Variants in PTPRM observed in about 807,000 individuals in gnomAD.
PTPRM encodes receptor-type tyrosine-protein phosphatase mu.
PTPRM carries 47 observed loss-of-function variants against 186.7 expected under a neutral mutation model. The ratio of observed to expected loss-of-function variants is 0.25; its 90% CI spans 0.20 to 0.32. The LOEUF is 0.32. Ranked by LOEUF, PTPRM falls within the 10% of genes least tolerant of loss-of-function variation. The pLI, the probability that PTPRM is intolerant of heterozygous loss-of-function variation, is 1.00. For synonymous variants in PTPRM, 668 were observed against 674.9 expected (o/e 0.99, Z 0.16); for missense variants, 1,494 against 1,865.0 (o/e 0.80, Z 3.66).
At chr18:8,034,069 A>G (rs8088354) in intron 7 of PTPRM, among the ~76,000 whole-genome samples, 91,391 of 151,724 alleles carry the variant, frequency 0.6, 27,748 homozygotes, top group Non-Finnish European at 0.65. Context: ...GGTACAGATT[A>G]TTGGATTTAA....
chr18:8,333,802 C>A (rs1159160863), intron 22 of PTPRM, among the ~76,000 whole-genome samples: 1 of 152,186 alleles, frequency 6.6e-6, no homozygotes, highest in Non-Finnish European at 1.5e-5. Flanking sequence ...GCTGCTTTGC[C>A]TTAACATCCC....
intron 23 of PTPRM, among the ~76,000 whole-genome samples, chr18:8,352,659 T>TTTG (rs145020151): frequency 0.31 from 39,371 of 128,568 alleles, 6,375 homozygotes; most frequent in Middle Eastern, 0.52. Flanking sequence ...TTTGGTTTTT[T>TTTG]TTGTTTGTTT....
chr18:8,084,736 A>C (rs2090342241), intron 9 of PTPRM, among the ~76,000 whole-genome samples: 1 of 152,178 alleles, frequency 6.6e-6, no homozygotes, highest in Non-Finnish European at 1.5e-5. Flanking sequence ...CACATTTTAA[A>C]ATTATGTCAT....
intron 14 of PTPRM, among the ~76,000 whole-genome samples, chr18:8,172,912 AC>A (rs1268736086): frequency 2.6e-5 from 4 of 152,174 alleles, no homozygotes; most frequent in Non-Finnish European, 2.9e-5. Context: ...GATGCATGAA[AC>A]AATGTTCACT....
At chr18:8,113,874 A>G (rs2091855293) in intron 12 of PTPRM, 115 bp downstream of exon 12, 2 of 1,088,890 alleles carry the variant, frequency 1.8e-6, no homozygotes, top group Non-Finnish European at 2.5e-6. Context: ...CTACTTGTAA[A>G]CAAATGTGAT....
intron 19 of PTPRM, among the ~76,000 whole-genome samples, chr18:8,257,720 C>CG (rs1306158761): frequency 3.3e-5 from 5 of 152,180 alleles, no homozygotes; most frequent in Admixed American, 6.5e-5. Flanking sequence ...ATCATCCCAT[C>CG]GGCCTTTCTG....
chr18:8,339,940 C>T (rs1191830397), intron 22 of PTPRM, among the ~76,000 whole-genome samples: 2 of 152,088 alleles, frequency 1.3e-5, no homozygotes, highest in African/African-American at 4.8e-5. Flanking sequence ...ATACATTCTG[C>T]ATTAAAAACC....
At chr18:8,341,172 C>G (rs17490458) in intron 22 of PTPRM, among the ~76,000 whole-genome samples, 44,508 of 152,134 alleles carry the variant, frequency 0.29, 7,413 homozygotes, top group Middle Eastern at 0.52. Flanking sequence ...GCTGTGTTTT[C>G]AAGCTTCTCC....
intron 1 of PTPRM, among the ~76,000 whole-genome samples, chr18:7,616,740 G>A (rs1443931949): frequency 6.6e-6 from 1 of 152,206 alleles, no homozygotes; most frequent in Non-Finnish European, 1.5e-5. Context: ...GGTGAGGAAA[G>A]CATAGTTTTC....
chr18:8,394,345 A>T, intron 31 of PTPRM, 131 bp from the exon 32 acceptor site: 1 of 1,000,810 alleles, frequency 1.0e-6, no homozygotes, highest in South Asian at 2.1e-5. Flanking sequence ...TGCCCAGGTA[A>T]GAGGTCCCCC....
At chr18:7,719,122 A>T (rs1332587552) in intron 1 of PTPRM, among the ~76,000 whole-genome samples, 1 of 152,232 alleles carries the variant, frequency 6.6e-6, no homozygotes, top group Non-Finnish European at 1.5e-5. Flanking sequence ...ATAATTTGCG[A>T]TTGTAAAAAT....
intron 2 of PTPRM, among the ~76,000 whole-genome samples, chr18:7,874,324 G>A (rs947723302): frequency 1.3e-5 from 2 of 152,128 alleles, no homozygotes; most frequent in African/African-American, 2.4e-5. Flanking sequence ...TTAATGAAAA[G>A]TTAAAATGGG....
chr18:7,874,651 G>C (rs2048143028), intron 2 of PTPRM, among the ~76,000 whole-genome samples: 1 of 152,038 alleles, frequency 6.6e-6, no homozygotes, highest in Non-Finnish European at 1.5e-5. Context: ...ACTGGGTTCT[G>C]AATTAACAAC....
chr18:8,070,583 T>C (rs912133929), intron 8 of PTPRM, among the ~76,000 whole-genome samples: 1 of 152,140 alleles, frequency 6.6e-6, no homozygotes, highest in Non-Finnish European at 1.5e-5. Flanking sequence ...ATGTCACCAG[T>C]AACGCATCAA....
intron 2 of PTPRM, among the ~76,000 whole-genome samples, chr18:7,857,956 T>C (rs146711688): frequency 3.3e-5 from 5 of 152,198 alleles, no homozygotes; most frequent in African/African-American, 4.8e-5. Flanking sequence ...GCTTTCTTCT[T>C]AAGTGCTATT....
At chr18:7,904,854 C>G (rs2049891955) in intron 3 of PTPRM, among the ~76,000 whole-genome samples, 1 of 152,180 alleles carries the variant, frequency 6.6e-6, no homozygotes, top group African/African-American at 2.4e-5. Context: ...TAGTTTCATT[C>G]TGTGTGTAAA....
intron 1 of PTPRM, among the ~76,000 whole-genome samples, chr18:7,770,831 TG>T (rs142360033): frequency 7.9e-4 from 120 of 152,200 alleles, no homozygotes; most frequent in African/African-American, 2.8e-3. Flanking sequence ...TTTGTTATTT[TG>T]GGGGGGTCCC....
intron 13 of PTPRM, among the ~76,000 whole-genome samples, chr18:8,142,719 C>G (rs1402821166): frequency 6.6e-6 from 1 of 152,198 alleles, no homozygotes. Context: ...TCGGAATGAC[C>G]TGTCACCTAG....
intron 15 of PTPRM, among the ~76,000 whole-genome samples, chr18:8,245,289 C>T (rs8095579): frequency 0.018 from 2,665 of 152,200 alleles, 80 homozygotes; most frequent in African/African-American, 0.061. Context: ...CTGCTTGTAG[C>T]GGCTGCAGTT....
Sources: gnomAD v4.1 joint callset for allele counts (sites outside exome capture counted in the v4.1 genomes callset) on GRCh38, gnomAD v4.1.1 for gene constraint, MANE v1.5 for transcripts, NCBI Gene and HGNC (gene_info 2026-07-23, HGNC 2026-07-21) for gene names.